Variants in ATAD1 observed in about 807,000 individuals in gnomAD.
ATAD1 encodes the protein ATPase family AAA domain containing 1.
ATAD1 carries 18 observed loss-of-function variants against 42.7 expected under a neutral mutation model. The ratio of observed to expected loss-of-function variants is 0.42; its 90% confidence interval spans 0.29 to 0.63. The LOEUF is 0.63. ATAD1 is among the 20% of genes least tolerant of loss of function. The pLI, the probability that ATAD1 is intolerant of heterozygous loss-of-function variation, is 0.19. For missense variants in ATAD1, 294 were observed against 440.4 expected (o/e 0.67, Z 2.98); for synonymous variants, 132 against 143.1 (o/e 0.92, Z 0.55).
intron 8 of ATAD1, among the ~76,000 whole-genome samples, chr10:87,758,625 AAAG>A (rs1206516889): frequency 2.6e-5 from 4 of 152,162 alleles, no homozygotes; most frequent in Non-Finnish European, 5.9e-5. Context: ...AAATAAAAAC[AAAG>A]AAAAGCAGGA....
intron 9 of ATAD1, among the ~76,000 whole-genome samples, chr10:87,755,027 A>G (rs562003580): frequency 6.6e-6 from 1 of 152,376 alleles, no homozygotes; most frequent in South Asian, 2.1e-4. Context: ...ATCTACACAT[A>G]GAGAAATCAT....
At chr10:87,790,976 G>A (rs1589516055) in intron 3 of ATAD1, among the ~76,000 whole-genome samples, 1 of 145,590 alleles carries the variant, frequency 6.9e-6, no homozygotes. Flanking sequence ...TTGAGGTCAG[G>A]AGTTCGGGAC....
chr10:87,778,376 G>A (rs570842342), intron 5 of ATAD1, among the ~76,000 whole-genome samples: 153 of 139,940 alleles, frequency 1.1e-3, no homozygotes, highest in Admixed American at 1.7e-3. Flanking sequence ...GACACAGGTT[G>A]AGTATCCCTC....
chr10:87,762,557 G>A (rs1056520902), intron 8 of ATAD1, among the ~76,000 whole-genome samples: 1 of 150,866 alleles, frequency 6.6e-6, no homozygotes, highest in Non-Finnish European at 1.5e-5. Context: ...CTCTGCCTCC[G>A]GGGTTCAAGT....
chr10:87,831,275 C>CCAAA (rs10640868), intron 1 of ATAD1, among the ~76,000 whole-genome samples: 5 of 152,160 alleles, frequency 3.3e-5, no homozygotes, highest in African/African-American at 1.2e-4. Context: ...ATAGGATTCA[C>CCAAA]TAACTGCTTC....
chr10:87,766,341 C>G (rs944315767), intron 8 of ATAD1, among the ~76,000 whole-genome samples: 2 of 152,100 alleles, frequency 1.3e-5, no homozygotes, highest in African/African-American at 4.8e-5. Context: ...AGACCAGAAT[C>G]AATCCAAATG....
intron 2 of ATAD1, among the ~76,000 whole-genome samples, chr10:87,803,849 T>C (rs1206977562): frequency 6.6e-6 from 1 of 151,904 alleles, no homozygotes; most frequent in African/African-American, 2.4e-5. Flanking sequence ...CAGAGTTTTT[T>C]CTCCTCTGAT....
At position 87,810,223 on chromosome 10, in the gene ATAD1, T is replaced by C. The variant is rs535439134; in HGVS notation, c.162+4215A>G. The stretch of plus-strand genomic sequence containing the variant: ...AACTTATTTTTCTAATGATCTCTAC[T>C]GTACTGCACTATAGCCAGGAAATGT... On this transcript the variant is annotated intron_variant, in intron 2 of 9. Coordinates refer to ENST00000680024, the MANE Select transcript of ATAD1 (RefSeq NM_001321967.2). Among the ~76,000 whole-genome samples, 35 of 152,164 alleles carry C rather than the reference T, an allele frequency of 2.3e-4. No homozygotes were observed. The East Asian group carries it at 4.0e-3, about 18-fold the overall frequency.
intron 2 of ATAD1, among the ~76,000 whole-genome samples, chr10:87,806,281 T>A (rs1196974959): frequency 6.6e-6 from 1 of 152,134 alleles, no homozygotes; most frequent in Non-Finnish European, 1.5e-5. Context: ...CTGGTCATTT[T>A]TTTTTTTAAG....
intron 1 of ATAD1, among the ~76,000 whole-genome samples, chr10:87,825,454 C>T (rs953122509): frequency 1.8e-4 from 27 of 151,956 alleles, no homozygotes; most frequent in African/African-American, 5.1e-4. Context: ...AGACTACAGG[C>T]GCCCGCCACC....
intron 7 of ATAD1, among the ~76,000 whole-genome samples, chr10:87,769,763 T>C (rs1055331937): frequency 6.6e-6 from 1 of 151,982 alleles, no homozygotes; most frequent in Admixed American, 6.6e-5. Flanking sequence ...CTGGCCAACA[T>C]GGTGAAACCC....
At chr10:87,784,897 T>A (rs1338244501) in intron 4 of ATAD1, among the ~76,000 whole-genome samples, 1 of 152,190 alleles carries the variant, frequency 6.6e-6, no homozygotes. Flanking sequence ...CTGTGCCCTC[T>A]CCCTTCATGA....
chr10:87,765,155 T>C lies in ATAD1; in HGVS notation c.831+2518A>G, dbSNP rs1016787289. Among the ~76,000 whole-genome samples the C allele has an allele frequency of 3.3e-5, 5 of 152,230 alleles. No individual in the cohort carries two copies. The East Asian group carries it at 9.7e-4, about 29-fold the overall frequency. On this transcript the variant is annotated intron_variant, in intron 8 of 9. Coordinates refer to ENST00000680024, the MANE Select transcript of ATAD1 (RefSeq NM_001321967.2). ...AAATAGGAAGTGTGGAAGTAGGGCATGGCTGGAGAAGAATTAGCCATGGGG... is the reference window on the plus strand; with the variant it reads ...AAATAGGAAGTGTGGAAGTAGGGCACGGCTGGAGAAGAATTAGCCATGGGG...
At chr10:87,813,367 T>TA (rs1857270668) in intron 2 of ATAD1, among the ~76,000 whole-genome samples, 1 of 151,248 alleles carries the variant, frequency 6.6e-6, no homozygotes, top group Non-Finnish European at 1.5e-5. Flanking sequence ...TTTTTTTTTT[T>TA]AAATCTACCC....
In ATAD1 at chr10:87,812,328, G is replaced by T. The variant is rs188810612; in HGVS notation, c.162+2110C>A. 2.6e-5 allele frequency among the ~76,000 whole-genome samples: 4 copies of T among 152,246 alleles called. No individual in the cohort carries two copies. The East Asian group carries it at 5.8e-4, about 22-fold the overall frequency. On this transcript the variant is annotated intron_variant, in intron 2 of 9. Coordinates refer to ENST00000680024, the MANE Select transcript of ATAD1 (RefSeq NM_001321967.2). ...GTCTCTCTCTGTTGCCCAGGCTGGAGTGCAGGGGTGTGATCTTGGCTCACT... is the reference window on the plus strand; with the variant it reads ...GTCTCTCTCTGTTGCCCAGGCTGGATTGCAGGGGTGTGATCTTGGCTCACT...
intron 2 of ATAD1, among the ~76,000 whole-genome samples, chr10:87,810,989 T>G (rs1857149719): frequency 6.6e-6 from 1 of 152,192 alleles, no homozygotes; most frequent in Non-Finnish European, 1.5e-5. Context: ...AATTTTTGCC[T>G]TAAGTTTTTA....
At chr10:87,781,527 A>G (rs1393477740) in intron 5 of ATAD1, among the ~76,000 whole-genome samples, 1 of 152,240 alleles carries the variant, frequency 6.6e-6, no homozygotes, top group East Asian at 1.9e-4. Context: ...GTAACATGCT[A>G]TCCTAATTTC....
upstream of ATAD1, among the ~76,000 whole-genome samples, chr10:87,822,065 A>G (rs1053060187): frequency 2.0e-4 from 31 of 152,244 alleles, no homozygotes; most frequent in African/African-American, 6.8e-4. Context: ...TTTGGAAGGA[A>G]AAACAAATCT....
chr10:87,829,421 A>G (rs767131367), intron 1 of ATAD1, among the ~76,000 whole-genome samples: 1 of 151,794 alleles, frequency 6.6e-6, no homozygotes, highest in East Asian at 1.9e-4. Context: ...ATGCCCAGCT[A>G]ATTTTTTGTA....
Sources: gnomAD v4.1 joint callset for allele counts (sites outside exome capture counted in the v4.1 genomes callset) on GRCh38, gnomAD v4.1.1 for gene constraint, MANE v1.5 for transcripts, NCBI Gene and HGNC (gene_info 2026-07-23, HGNC 2026-07-21) for gene names.